The following PPP1R3A variants were observed in gnomAD, a reference collection of about 807,000 sequenced individuals.
The protein encoded by PPP1R3A is RG1.
A neutral mutation model predicts 41.7 loss-of-function variants in PPP1R3A; 29 were observed. The ratio of observed to expected loss-of-function variants is 0.70; its 90% CI spans 0.52 to 0.95. The LOEUF (loss-of-function observed/expected upper bound fraction) is 0.95, where lower values mean the gene tolerates loss of function less well. Among genes scored for constraint, PPP1R3A ranks in the 40% least tolerant of loss-of-function variants. The probability of loss-of-function intolerance (pLI) is 0.00; values close to 1 mark genes in which losing one functional copy is unlikely to be tolerated. For missense variants in PPP1R3A, 1,352 were observed against 1,292.4 expected, an observed-to-expected ratio of 1.05 and a Z score of -0.71; for synonymous variants, 485 against 453.4, an observed-to-expected ratio of 1.07 and a Z score of -0.89.
Position 113,899,344 on chromosome 7 carries a change from C to T in PPP1R3A, c.783-17024G>A, listed in dbSNP as rs148731422. Among the ~76,000 whole-genome samples the T allele has an allele frequency of 3.1e-3, 477 of 151,890 alleles. 1 individual carries two copies. The highest frequency in any genetic ancestry group is 0.01 in the African/African-American group (418 of 41,504). ...TACTTCATTCTAAATGAAAATGCCA[C>T]GCTGTGTGATGTACCTTTTTTCCCA... is the stretch of plus-strand genomic sequence containing the variant. On this transcript the variant is annotated intron_variant, in intron 1 of 3. Coordinates refer to ENST00000284601, the MANE Select transcript of PPP1R3A (RefSeq NM_002711.4).
chr7:113,909,429 A>G (rs918835852), intron 1 of PPP1R3A, among the ~76,000 whole-genome samples: 4 of 152,030 alleles, frequency 2.6e-5, no homozygotes, highest in Non-Finnish European at 5.9e-5. Context: ...GAAATACTGT[A>G]ATAATAGTAC....
At chr7:113,884,922 T>C (rs1158193373) in intron 1 of PPP1R3A, among the ~76,000 whole-genome samples, 1 of 152,062 alleles carries the variant, frequency 6.6e-6, no homozygotes, top group Non-Finnish European at 1.5e-5. Context: ...AATAAGCACA[T>C]AATGGGACGG....
intron 1 of PPP1R3A, among the ~76,000 whole-genome samples, chr7:113,898,969 CAGGAAGGAT>C (rs1381278198): frequency 6.6e-6 from 1 of 151,736 alleles, no homozygotes; most frequent in African/African-American, 2.4e-5. Flanking sequence ...ATGTAATCAT[CAGGAAGGAT>C]AGGGTCTCTA....
chr7:113,915,570 TATATACATAC>T (rs1271543411), intron 1 of PPP1R3A, among the ~76,000 whole-genome samples: 7 of 148,756 alleles, frequency 4.7e-5, no homozygotes, highest in South Asian at 4.2e-4. Flanking sequence ...TACATATACA[TATATACATAC>T]ATATACATAC....
intron 1 of PPP1R3A, among the ~76,000 whole-genome samples, chr7:113,907,428 TTCA>T (rs1797165209): frequency 6.6e-6 from 1 of 151,656 alleles, no homozygotes; most frequent in Non-Finnish European, 1.5e-5. Flanking sequence ...TAATCCCAGT[TTCA>T]TCAAGAGTTA....
chr7:113,916,731 T>C (rs1333129075), intron 1 of PPP1R3A, among the ~76,000 whole-genome samples: 2 of 152,122 alleles, frequency 1.3e-5, no homozygotes, highest in Non-Finnish European at 2.9e-5. Context: ...AATATGTATA[T>C]ATTATGCATA....
chr7:113,906,340 T>C (rs569240432), intron 1 of PPP1R3A, among the ~76,000 whole-genome samples: 8 of 151,944 alleles, frequency 5.3e-5, no homozygotes, highest in African/African-American at 1.9e-4. Flanking sequence ...TTAAAATAAT[T>C]GTATTTTTGA....
Position 113,878,540 on chromosome 7 carries a change from AC to A in PPP1R3A, c.2551del (p.Val851SerfsTer84), listed in dbSNP as rs763170989. On this transcript the variant is annotated frameshift_variant, in exon 4 of 4. Transcript: ENST00000284601. LOFTEE classifies it low-confidence loss of function (END_TRUNC). ...NITSVEESSW[V>X]ITEYQKATSK... is the part of the protein sequence containing the mutation. ...AGTTGCTTTTTGATATTCTGTAATG[AC>A]CCATGAGGATTCTTCCACAGATGTT... 6.2e-7 allele frequency: 1 copy of A among 1,613,468 alleles called. No individual in the cohort carries two copies. Among genetic ancestry groups the A allele is most frequent in the Non-Finnish European group, 8.5e-7 (1 of 1,179,678 alleles).
At position 113,918,369 on chromosome 7, in the gene PPP1R3A, G is replaced by C; in HGVS notation, c.628C>G (p.Arg210Gly). The C allele has an allele frequency of 6.2e-7, 1 of 1,613,214 alleles. No homozygotes were observed. Among genetic ancestry groups the C allele is most frequent in the Non-Finnish European group, 8.5e-7 (1 of 1,179,544 alleles). ...KDGSKVEFCIRYETSVGTFWS... is the reference protein window; with the variant it reads ...KDGSKVEFCIGYETSVGTFWS... ...AATGTACCAACAGAAGTTTCATAACGTATACAAAACTCAACTTTACTGCCA... is the reference window on the plus strand; with the variant it reads ...AATGTACCAACAGAAGTTTCATAACCTATACAAAACTCAACTTTACTGCCA... The change falls in exon 1 of 4, where the codon CGT becomes GGT. Residue 210 changes from arginine (R) to glycine (G), a missense_variant. Physicochemically the swap from Arg to Gly is moderately radical, Grantham distance 125. Coordinates refer to ENST00000284601, the MANE Select transcript of PPP1R3A (RefSeq NM_002711.4).
At position 113,918,912 on chromosome 7, in the gene PPP1R3A, C is replaced by T. The variant is rs1562928495; in HGVS notation, c.85G>A (p.Glu29Lys). The part of the protein sequence containing the change: ...PNLSDSLCED[E>K]EVTFQPGFSP... Reference sequence around the variant, plus strand: ...AAACCAGGTTGGAAAGTAACTTCTTCATCTTCACAAAGAGAGTCAGATAAA... The same window carrying T: ...AAACCAGGTTGGAAAGTAACTTCTTTATCTTCACAAAGAGAGTCAGATAAA... Residue 29 changes from glutamate (E) to lysine (K), a missense_variant, in exon 1 of 4, where the codon GAA becomes AAA. Glu to Lys is a moderately conservative substitution (Grantham distance 56). Coordinates refer to ENST00000284601, the MANE Select transcript of PPP1R3A (RefSeq NM_002711.4). 6.2e-7 allele frequency: 1 copy of T among 1,612,766 alleles called. No homozygotes were observed. Among genetic ancestry groups the T allele is most frequent in the African/African-American group, 1.3e-5 (1 of 74,928 alleles).
rs761692113 is a variant in PPP1R3A, at chr7:113,879,623, T to C, written c.1469A>G (p.His490Arg). 16 of 1,613,344 alleles carry C rather than the reference T, an allele frequency of 9.9e-6. No individual in the cohort carries two copies. The South Asian group carries it at 1.6e-4, about 17-fold the overall frequency. ...TTTGAGACATGCCGACGTATCTGAA[T>C]GGAAATCTCTTCGTAAACATCCCAA... ...KDLGCLRRDF[H>R]SDTSACLKES... The change falls in exon 4 of 4, where the codon CAT becomes CGT. Residue 490 changes from histidine to arginine, a missense_variant. By Grantham distance (29) the His-to-Arg change is conservative. Transcript: ENST00000284601.
chr7:113,889,849 A>C (rs1796848203), intron 1 of PPP1R3A, among the ~76,000 whole-genome samples: 1 of 152,140 alleles, frequency 6.6e-6, no homozygotes, highest in Admixed American at 6.6e-5. Context: ...GGATTACCAA[A>C]AAAGCAAGAC....
intron 1 of PPP1R3A, among the ~76,000 whole-genome samples, chr7:113,895,073 A>C (rs1344448795): frequency 2.0e-5 from 3 of 151,928 alleles, no homozygotes; most frequent in Non-Finnish European, 4.4e-5. Context: ...GCAGCCACTC[A>C]CCTGAGCATG....
intron 1 of PPP1R3A, among the ~76,000 whole-genome samples, chr7:113,886,079 C>T: frequency 6.6e-6 from 1 of 150,836 alleles, no homozygotes; most frequent in Non-Finnish European, 1.5e-5. Context: ...TGTTGTATGT[C>T]TCTGTGGTTT....
At chr7:113,890,408 G>A (rs1304333088) in intron 1 of PPP1R3A, among the ~76,000 whole-genome samples, 2 of 151,972 alleles carry the variant, frequency 1.3e-5, no homozygotes, top group Non-Finnish European at 2.9e-5. Flanking sequence ...TCTCTGAGTG[G>A]GCAGTGGGAA....
At chr7:113,886,794 G>A (rs1435390237) in intron 1 of PPP1R3A, among the ~76,000 whole-genome samples, 1 of 152,136 alleles carries the variant, frequency 6.6e-6, no homozygotes, top group Non-Finnish European at 1.5e-5. Context: ...TTGAATTTAA[G>A]AGCTTTAGAA....
chr7:113,885,455 C>A (rs553167599), intron 1 of PPP1R3A, among the ~76,000 whole-genome samples: 1 of 152,088 alleles, frequency 6.6e-6, no homozygotes, highest in African/African-American at 2.4e-5. Flanking sequence ...TAAATGATGA[C>A]CACTACTTCC....
At chr7:113,892,510 A>G (rs964320935) in intron 1 of PPP1R3A, among the ~76,000 whole-genome samples, 1 of 152,112 alleles carries the variant, frequency 6.6e-6, no homozygotes. Context: ...TTCATAATAC[A>G]TTAGCCAACT....
At chr7:113,883,435 C>G (rs981527691) in intron 1 of PPP1R3A, among the ~76,000 whole-genome samples, 1 of 151,898 alleles carries the variant, frequency 6.6e-6, no homozygotes, top group Non-Finnish European at 1.5e-5. Context: ...CCTGACCATG[C>G]AAGAAGATAA....
Sources: gnomAD v4.1 joint callset for allele counts (sites outside exome capture counted in the v4.1 genomes callset) on GRCh38, gnomAD v4.1.1 for gene constraint, MANE v1.5 for transcripts, NCBI Gene and HGNC (gene_info 2026-07-23, HGNC 2026-07-21) for gene names.